The following NSMF variants were observed in gnomAD, a reference collection of about 807,000 sequenced individuals.
The protein encoded by NSMF is NMDA receptor synaptonuclear signaling and neuronal migration factor.
Under a neutral mutation model 71.0 loss-of-function variants are expected in NSMF, and 31 were observed. That is an observed-to-expected ratio of 0.44 (90% CI 0.33 to 0.59). The LOEUF (loss-of-function observed/expected upper bound fraction) is 0.59. NSMF is among the 20% of genes least tolerant of loss of function. The pLI, the probability that NSMF is intolerant of heterozygous loss-of-function variation, is 0.04. For missense variants in NSMF, 673 were observed against 740.5 expected (o/e 0.91, Z 1.06); for synonymous variants, 345 against 287.1 (o/e 1.20, Z -2.04).
At chr9:137,456,256 C>A in intron 4 of NSMF, 155 bp downstream of exon 4, 1 of 746,926 alleles carries the variant, frequency 1.3e-6, no homozygotes, top group South Asian at 1.4e-5. Flanking sequence ...GCAGTCAGCC[C>A]TGGCCTCCCT....
intron 4 of NSMF, 38 bp from the exon 5 acceptor site, chr9:137,455,672 G>T (rs760999954): frequency 6.5e-7 from 1 of 1,549,382 alleles, no homozygotes; most frequent in South Asian, 1.2e-5. Flanking sequence ...TGAGAGAGAA[G>T]ACACAGTGAG....
In NSMF at chr9:137,448,599, GAACTC is replaced by G. The variant is rs1330419358; in HGVS notation, c.*790_*794del. The G allele has an allele frequency of 6.5e-6, 1 of 152,886 alleles. No individual in the cohort carries two copies. Among genetic ancestry groups the G allele is most frequent in the East Asian group, 1.9e-4 (1 of 5,200 alleles). The allele number at this position is 152,886 out of a possible 1,614,324, so 9.5% of individuals were successfully genotyped here. A position where few individuals can be genotyped will look rare whatever the true frequency, so the allele number is the denominator to read the frequency against. On this transcript the variant is annotated 3_prime_UTR_variant, in exon 16 of 16. Transcript: ENST00000371475. This position sits in a 1 kb window ranked among gnomAD's most constrained non-coding sequence, Gnocchi z 5.3. ...CTCCACACTGAGGCTGGTAAAAGCT[GAACTC>G]AACAGCAGCAATGAGAGTGCTGGGT... is the stretch of plus-strand genomic sequence containing the variant.
chr9:137,452,600 CAGGCCACA>C lies in NSMF; in HGVS notation c.1132-22_1132-15del, dbSNP rs751029049. The C allele has an allele frequency of 4.9e-4, 785 of 1,612,634 alleles. 8 individuals carry two copies. Among genetic ancestry groups the C allele is most frequent in the Non-Finnish European group, 3.0e-4 (353 of 1,179,928 alleles). On this transcript the variant is annotated splice_polypyrimidine_tract_variant and intron_variant, in intron 10 of 15. Transcript: ENST00000371475. ...GTGCTCATGGTCCTGGGGACAGACA[CAGGCCACA>C]AGGCCACATCAAGGCTGCGTCAGAG... is the stretch of plus-strand genomic sequence containing the variant.
chr9:137,454,295 G>T, intron 7 of NSMF, 96 bp downstream of exon 7: 1 of 1,222,616 alleles, frequency 8.2e-7, no homozygotes, highest in Non-Finnish European at 1.2e-6. Context: ...GATTGGGGTT[G>T]GGGCGGGGGT....
At chr9:137,458,704 C>T (rs1395863313) in intron 1 of NSMF, among the ~76,000 whole-genome samples, 155 bp from the exon 2 acceptor site, 1 of 152,062 alleles carries the variant, frequency 6.6e-6, no homozygotes, top group African/African-American at 2.4e-5. Context: ...CACCCTTGGT[C>T]CTGGTGCGCC....
At position 137,448,870 on chromosome 9, in the gene NSMF, C is replaced by T. The variant is rs1839741663; in HGVS notation, c.*524G>A. On this transcript the variant is annotated 3_prime_UTR_variant, in exon 16 of 16. Coordinates refer to ENST00000371475, the MANE Select transcript of NSMF (RefSeq NM_001130969.3). The surrounding 1 kb of genome is among the most constrained non-coding windows in gnomAD (Gnocchi z 5.3). The stretch of plus-strand genomic sequence containing the variant: ...GTAGACAGAGCCAGGCTGGGCAGCC[C>T]GGCGACGCTGGCCCCACGCACACGG... 3 of 223,016 alleles carry T rather than the reference C, an allele frequency of 1.3e-5. No homozygotes were observed. The highest frequency in any genetic ancestry group is 1.2e-4 in the East Asian group (1 of 8,234). 13.8% of individuals were successfully genotyped at this position (223,016 alleles called of 1,614,324 possible).
chr9:137,452,977 C>T lies in NSMF; in HGVS notation c.1047+79G>A, dbSNP rs1355282376. ...GCAGCTGGAGAAGGCTGCGTGGTCC[C>T]AGGCAGAGCTGGCTGGACTCGGGTT... On this transcript the variant is annotated intron_variant, in intron 9 of 15. Transcript: ENST00000371475. 6 of 1,602,908 alleles carry T rather than the reference C, an allele frequency of 3.7e-6. No individual in the cohort carries two copies. In the African/African-American group the frequency reaches 6.7e-5, roughly 18 times the overall value.
intron 3 of NSMF, among the ~76,000 whole-genome samples, chr9:137,456,989 A>G (rs1294601692): frequency 6.6e-6 from 1 of 151,554 alleles, no homozygotes; most frequent in Non-Finnish European, 1.5e-5. Context: ...TGGACAAGCT[A>G]CCACACAACT....
At position 137,453,647 on chromosome 9, in the gene NSMF, G is replaced by A. The variant is rs1158281063; in HGVS notation, c.922+84C>T. On this transcript the variant is annotated intron_variant, in intron 8 of 15. Transcript: ENST00000371475. This position sits in a 1 kb window ranked among gnomAD's most constrained non-coding sequence, Gnocchi z 4.5. ...CAGGAGTGCAAAAGCGCAGCCCAGCGGCCCTGGCAGGGGACCCCCAGCAGG... is the reference window on the plus strand; with the variant it reads ...CAGGAGTGCAAAAGCGCAGCCCAGCAGCCCTGGCAGGGGACCCCCAGCAGG... 4.8e-6 allele frequency: 5 copies of A among 1,048,946 alleles called. No homozygotes were observed. The highest frequency in any genetic ancestry group is 2.6e-5 in the East Asian group (1 of 38,878). The allele number at this position is 1,048,946 out of a possible 1,614,324, so 65.0% of individuals were successfully genotyped here.
intron 4 of NSMF, 95 bp downstream of exon 4, chr9:137,456,316 C>T: frequency 9.6e-7 from 1 of 1,045,660 alleles, no homozygotes; most frequent in South Asian, 1.3e-5. Flanking sequence ...AAGCAGCCCC[C>T]CTGGTAGGCC....
intron 14 of NSMF, 69 bp from the exon 15 acceptor site, chr9:137,449,743 G>A: frequency 6.9e-7 from 1 of 1,452,852 alleles, no homozygotes; most frequent in Non-Finnish European, 9.6e-7. Flanking sequence ...AGGAGATGGG[G>A]AGCAGGGCCC....
rs1564263510 is a variant in NSMF at position 137,453,766 on chromosome 9, G to A, written c.887C>T (p.Pro296Leu). Reference sequence around the variant, plus strand: ...GTCGTGGGAAGTGTCGGCTTTCATGGGGGTGGGGTCGCTCCAGGACCGGCT... The same window carrying A: ...GTCGTGGGAAGTGTCGGCTTTCATGAGGGTGGGGTCGCTCCAGGACCGGCT... ...SFSRSWSDPT[P>L]MKADTSHDSR... The change falls in exon 8 of 16, where the codon CCC (proline) becomes CTC (leucine). Residue 296 changes from proline to leucine, a missense_variant. Around this residue, in one of 2 missense-constraint regions of NSMF, gnomAD observed 471 missense variants for 459.6 expected, o/e 1.02. Coordinates refer to ENST00000371475, the MANE Select transcript of NSMF (RefSeq NM_001130969.3). The surrounding 1 kb of genome is among the most constrained non-coding windows in gnomAD (Gnocchi z 4.5). 1 of 1,601,898 alleles carries A rather than the reference G, an allele frequency of 6.2e-7. No homozygotes were observed. Among genetic ancestry groups the A allele is most frequent in the South Asian group, 1.1e-5 (1 of 90,336 alleles).
rs1296435073 is a variant in NSMF at position 137,456,493 on chromosome 9, G to C, written c.629-7C>G. On this transcript the variant is annotated splice_polypyrimidine_tract_variant and splice_region_variant and intron_variant, in intron 3 of 15. Transcript: ENST00000371475. ...GTACGAATAGGGATGTCGTCTAAGA[G>C]AGACAAAAAGGAGCGGTGGCTGGGT... The C allele has an allele frequency of 6.2e-7, 1 of 1,603,904 alleles. No individual in the cohort carries two copies.
Position 137,457,440 on chromosome 9 carries a change from G to A in NSMF, c.595C>T (p.Leu199=), listed in dbSNP as rs1450849547. Residue 199 remains leucine (L), a synonymous_variant, in exon 3 of 16, where the codon CTG becomes TTG. Transcript: ENST00000371475. ...CGGTCAACGCTGTACATCCTCTCCA[G>A]CTTCTTGCGGCGACCGGAGGTCTCA... The part of the protein sequence containing the change: ...LPETSGRRKK[L]ERMYSVDRVS... The A allele has an allele frequency of 6.2e-7, 1 of 1,612,898 alleles. No homozygotes were observed. The highest frequency in any genetic ancestry group is 1.7e-5 in the Admixed American group (1 of 60,024).
Position 137,453,590 on chromosome 9 carries a change from G to A in NSMF, c.922+141C>T, listed in dbSNP as rs879433232. 6 of 670,946 alleles carry A rather than the reference G, an allele frequency of 8.9e-6. No individual in the cohort carries two copies. Among genetic ancestry groups the A allele is most frequent in the Admixed American group, 5.9e-5 (2 of 34,004 alleles). 41.6% of individuals were successfully genotyped at this position (670,946 alleles called of 1,614,324 possible). A position where few individuals can be genotyped will look rare whatever the true frequency, so the allele number is the denominator to read the frequency against. ...CTTTGCGATCGGAGATGCTGAGGGC[G>A]TCCCCATCTCACAAACAGGTAAACC... On this transcript the variant is annotated intron_variant, in intron 8 of 15. Transcript: ENST00000371475. The surrounding 1 kb of genome is among the most constrained non-coding windows in gnomAD (Gnocchi z 4.5).
intron 12 of NSMF, among the ~76,000 whole-genome samples, chr9:137,452,089 C>T (rs1475018892): frequency 1.3e-5 from 1 of 76,274 alleles, no homozygotes; most frequent in Non-Finnish European, 2.6e-5. Flanking sequence ...CTCCCCCAGC[C>T]ACACCTCTTC....
chr9:137,453,795 GC>G lies in NSMF; in HGVS notation c.857del (p.Ser286ThrfsTer12). ...TGGGGTCGCTCCAGGACCGGCTGAA[GC>G]TCCGCTCGCGCCGCTCAGCGAACGC... ...AQTFAERRER[S>X]FSRSWSDPTP... On this transcript the variant is annotated frameshift_variant, in exon 8 of 16. Transcript: ENST00000371475. LOFTEE classifies it high-confidence loss of function. The surrounding 1 kb of genome is among the most constrained non-coding windows in gnomAD (Gnocchi z 4.5). The G allele has an allele frequency of 1.3e-6, 2 of 1,597,536 alleles. No homozygotes were observed. Among genetic ancestry groups the G allele is most frequent in the Non-Finnish European group, 1.7e-6 (2 of 1,177,666 alleles).
chr9:137,456,196 CTG>C lies in NSMF; in HGVS notation c.704+213_704+214del, dbSNP rs201928724. ...TGCAGCCCTGGGCCAGGTCCCCTGA[CTG>C]TGTGTGTGTGGGGGGGGGGGCTGGG... On this transcript the variant is annotated intron_variant, in intron 4 of 15. Coordinates refer to ENST00000371475, the MANE Select transcript of NSMF (RefSeq NM_001130969.3). Among the ~76,000 whole-genome samples, 576 of 140,862 alleles carry C rather than the reference CTG, an allele frequency of 4.1e-3. 6 individuals carry two copies. Among genetic ancestry groups the C allele is most frequent in the African/African-American group, 0.014 (531 of 37,900 alleles). The allele number at this position is 140,862 out of a possible 152,430, so 92.4% of individuals were successfully genotyped here.
At position 137,455,619 on chromosome 9, in the gene NSMF, A is replaced by T; in HGVS notation, c.710+10T>A. 1 of 1,550,294 alleles carries T rather than the reference A, an allele frequency of 6.5e-7. No individual in the cohort carries two copies. The highest frequency in any genetic ancestry group is 8.7e-7 in the Non-Finnish European group (1 of 1,146,840). On this transcript the variant is annotated intron_variant, in intron 5 of 15. Transcript: ENST00000371475. ...TGTGCCCTTAGGCACCAAGTCATAC[A>T]GGTACTTACGAGATGCTGAAGCCAG...
Sources: allele counts gnomAD v4.1 joint callset (sites outside exome capture counted in the v4.1 genomes callset), GRCh38; gene constraint gnomAD v4.1.1; regional missense constraint gnomAD v4.1.1; non-coding constraint Gnocchi (gnomAD v3.1); transcripts MANE v1.5; gene names NCBI Gene and HGNC (gene_info 2026-07-23, HGNC 2026-07-21).